The following LAMC3 variants were observed in gnomAD, a reference collection of about 807,000 sequenced individuals.
LAMC3 encodes laminin subunit gamma 3.
A neutral mutation model predicts 173.8 loss-of-function variants in LAMC3; 128 were observed. The ratio of observed to expected loss-of-function variants is 0.74; its 90% CI spans 0.64 to 0.85. The LOEUF (loss-of-function observed/expected upper bound fraction) is 0.85, where lower values mean the gene tolerates loss of function less well. Ranked by LOEUF, LAMC3 falls within the 40% of genes least tolerant of loss-of-function variation. The pLI is 0.00. For synonymous variants in LAMC3, 897 were observed against 909.1 expected (o/e 0.99, Z 0.24); for missense variants, 2,022 against 2,156.0 (o/e 0.94, Z 1.23).
intron 27 of LAMC3, among the ~76,000 whole-genome samples, chr9:131,089,551 T>TC (rs1830388204): frequency 6.6e-6 from 1 of 150,636 alleles, no homozygotes; most frequent in Non-Finnish European, 1.5e-5. Flanking sequence ...CTAATTTTTT[T>TC]TTTTTTTTTT....
chr9:131,046,798 C>A (rs926761365), intron 8 of LAMC3, among the ~76,000 whole-genome samples: 3 of 152,122 alleles, frequency 2.0e-5, no homozygotes, highest in Admixed American at 6.5e-5. Context: ...CGATGTCCCA[C>A]GGAGCGCCCC....
chr9:131,009,981 C>G lies in LAMC3; in HGVS notation c.373+394C>G, dbSNP rs1833382843. On this transcript the variant is annotated intron_variant, in intron 1 of 27. Transcript: ENST00000361069. This position sits in a 1 kb window ranked among gnomAD's most constrained non-coding sequence, Gnocchi z 4.3. The stretch of plus-strand genomic sequence containing the variant: ...CCAGCCTGGCCAACATGGTGAAAAC[C>G]CGTCTCTACTAAAAATAGAAAATTT... 6.6e-6 allele frequency among the ~76,000 whole-genome samples: 1 copy of G among 151,712 alleles called. No individual in the cohort carries two copies. The highest frequency in any genetic ancestry group is 1.9e-4 in the East Asian group (1 of 5,180).
chr9:131,053,678 C>G (rs974796691), intron 11 of LAMC3, among the ~76,000 whole-genome samples: 4 of 152,090 alleles, frequency 2.6e-5, no homozygotes, highest in African/African-American at 9.7e-5. Context: ...ACTAAAAATA[C>G]AAAAATTAGC....
At chr9:131,050,981 C>T (rs571346143) in intron 9 of LAMC3, among the ~76,000 whole-genome samples, 3 of 152,024 alleles carry the variant, frequency 2.0e-5, no homozygotes, top group African/African-American at 2.4e-5. Flanking sequence ...GGAGTGCAGC[C>T]GGGGCATGTG....
At chr9:131,028,663 A>G (rs923284625) in intron 2 of LAMC3, among the ~76,000 whole-genome samples, 5 of 152,200 alleles carry the variant, frequency 3.3e-5, no homozygotes, top group African/African-American at 1.2e-4. Flanking sequence ...CACATCAGCC[A>G]GTGGAGAGGC....
chr9:131,021,661 C>A (rs1833627470), intron 1 of LAMC3, among the ~76,000 whole-genome samples: 1 of 152,098 alleles, frequency 6.6e-6, no homozygotes, highest in Non-Finnish European at 1.5e-5. Context: ...AGATAGCATC[C>A]GGTCCCACAG....
intron 14 of LAMC3, 37 bp from the exon 15 acceptor site, chr9:131,068,041 C>T (rs1189654081): frequency 1.2e-6 from 2 of 1,602,858 alleles, no homozygotes; most frequent in African/African-American, 1.3e-5. Flanking sequence ...AGACAATCTG[C>T]ATTGTTCCCA....
rs577906434 is a variant in LAMC3 at position 131,074,087 on chromosome 9, C to T, written c.3494+766C>T. ...TCAGCCTCCCAAGTAGCTAGGACTA[C>T]AGGCGCCTGCCAACATGCCCAGCTA... On this transcript the variant is annotated intron_variant, in intron 20 of 27. Transcript: ENST00000361069. Among the ~76,000 whole-genome samples the T allele has an allele frequency of 9.9e-5, 15 of 151,840 alleles. No homozygotes were observed. In the Middle Eastern group the frequency reaches 0.01, roughly 103 times the overall value.
intron 1 of LAMC3, among the ~76,000 whole-genome samples, chr9:131,010,509 G>A (rs1043640511): frequency 4.6e-5 from 7 of 152,210 alleles, no homozygotes; most frequent in African/African-American, 1.7e-4. Flanking sequence ...CAGAACTGTT[G>A]GGGAGGTGAC....
chr9:131,079,915 G>C (rs1830207790), intron 23 of LAMC3, among the ~76,000 whole-genome samples: 1 of 152,130 alleles, frequency 6.6e-6, no homozygotes, highest in Admixed American at 6.6e-5. Context: ...GTTCATTCAT[G>C]GCTCATTTGA....
chr9:131,074,010 T>C (rs1432295154), intron 20 of LAMC3, among the ~76,000 whole-genome samples: 4 of 146,258 alleles, frequency 2.7e-5, no homozygotes, highest in African/African-American at 1.0e-4. Context: ...GCAGTGGCGC[T>C]ATCTCGGCTC....
intron 9 of LAMC3, among the ~76,000 whole-genome samples, chr9:131,050,235 CATG>C (rs1414234503): frequency 2.0e-5 from 3 of 152,256 alleles, no homozygotes; most frequent in Non-Finnish European, 4.4e-5. Context: ...GGCCTGTCCT[CATG>C]GTGCTCTCAG....
Position 131,061,152 on chromosome 9 carries a change from G to A in LAMC3, c.2276G>A (p.Gly759Asp), listed in dbSNP as rs150859618. 1.5e-4 allele frequency: 239 copies of A among 1,613,000 alleles called. No individual in the cohort carries two copies. The African/African-American group carries it at 2.9e-3, about 20-fold the overall frequency. Reference sequence around the variant, plus strand: ...GACTGCCAGCCCTGTCCCTGCCCTGGCCAGTCGGCCTGTACGACCATCCCA... The same window carrying A: ...GACTGCCAGCCCTGTCCCTGCCCTGACCAGTCGGCCTGTACGACCATCCCA... ...ADDCQPCPCP[G>D]QSACTTIPES... Residue 759 changes from glycine to aspartate, a missense_variant, in exon 13 of 28, where the codon GGC (glycine) becomes GAC (aspartate). By Grantham distance (94) the Gly-to-Asp change is moderately conservative (BLOSUM62 -1). Coordinates refer to ENST00000361069, the MANE Select transcript of LAMC3 (RefSeq NM_006059.4).
chr9:131,022,888 T>G (rs1327166061), intron 1 of LAMC3, among the ~76,000 whole-genome samples: 1 of 152,056 alleles, frequency 6.6e-6, no homozygotes, highest in Non-Finnish European at 1.5e-5. Context: ...TGGAACACCT[T>G]TATTACCCTG....
chr9:131,061,218 A>G lies in LAMC3; in HGVS notation c.2342A>G (p.Gln781Arg). ...GTGTGTACCCACTGCCCCCCGGGCC[A>G]GAGAGGTAAGTGACTCCTGCCCCGG... ...EVVCTHCPPG[Q>R]RGRRCEVCDD... is the part of the protein sequence containing the mutation. Residue 781 changes from glutamine (Q) to arginine (R), a missense_variant, in exon 13 of 28, where the codon CAG (glutamine) becomes CGG (arginine). Physicochemically the swap from Gln to Arg is conservative, Grantham distance 43. Coordinates refer to ENST00000361069, the MANE Select transcript of LAMC3 (RefSeq NM_006059.4). 1 of 1,606,162 alleles carries G rather than the reference A, an allele frequency of 6.2e-7. No individual in the cohort carries two copies. The highest frequency in any genetic ancestry group is 2.2e-5 in the East Asian group (1 of 44,852).
intron 14 of LAMC3, 92 bp from the exon 15 acceptor site, chr9:131,067,986 G>A: frequency 1.5e-6 from 2 of 1,348,322 alleles, no homozygotes; most frequent in South Asian, 2.3e-5. Context: ...ATCTCTGGAG[G>A]CTCCCCCATC....
intron 9 of LAMC3, among the ~76,000 whole-genome samples, chr9:131,051,008 G>A (rs1834274061): frequency 6.6e-6 from 1 of 152,216 alleles, no homozygotes; most frequent in South Asian, 2.1e-4. Flanking sequence ...AGCTCCCGGG[G>A]CTCCCCGCTT....
At chr9:131,075,491 G>A (rs1212405507) in intron 20 of LAMC3, among the ~76,000 whole-genome samples, 1 of 150,804 alleles carries the variant, frequency 6.6e-6, no homozygotes, top group Non-Finnish European at 1.5e-5. Flanking sequence ...TTGAGCCCAG[G>A]AGGGGAGGTT....
chr9:131,041,366 C>CAGAAAAAAAAAAAAA, intron 6 of LAMC3, among the ~76,000 whole-genome samples: 1 of 114,590 alleles, frequency 8.7e-6, no homozygotes, highest in African/African-American at 3.1e-5. Context: ...GACTCTGTCC[C>CAGAAAAAAAAAAAAA]AAAAAAAAAG....
Sources: allele counts gnomAD v4.1 joint callset (sites outside exome capture counted in the v4.1 genomes callset), GRCh38; gene constraint gnomAD v4.1.1; non-coding constraint Gnocchi (gnomAD v3.1); transcripts MANE v1.5; gene names NCBI Gene and HGNC (gene_info 2026-07-23, HGNC 2026-07-21).